CDK15: variants seen among roughly 807,000 people sequenced by gnomAD.
The protein encoded by CDK15 is cyclin dependent kinase 15.
A neutral mutation model predicts 60.3 loss-of-function variants in CDK15; 62 were observed. The ratio of observed to expected loss-of-function variants is 1.03; its 90% CI spans 0.84 to 1.27. The LOEUF (loss-of-function observed/expected upper bound fraction) is 1.27. Among genes scored for constraint, CDK15 ranks in the 50% most tolerant of loss-of-function variants. The pLI is 0.00. For missense variants in CDK15, 541 were observed against 527.8 expected (o/e 1.03, Z -0.25); for synonymous variants, 194 against 195.7 (o/e 0.99, Z 0.07).
rs1696061174 is a variant in CDK15 at position 201,817,865 on chromosome 2, A to T, written c.449-4944A>T. 2.0e-5 allele frequency among the ~76,000 whole-genome samples: 3 copies of T among 152,244 alleles called. No individual in the cohort carries two copies. In the South Asian group the frequency reaches 6.2e-4, roughly 31 times the overall value. On this transcript the variant is annotated intron_variant, in intron 4 of 13. Coordinates refer to ENST00000652192, the MANE Select transcript of CDK15 (RefSeq NM_001366386.2). ...TGATCAGCATTACAATTCCAAAGATACCAAGACAACTACTTATCTGACACT... is the reference window on the plus strand; with the variant it reads ...TGATCAGCATTACAATTCCAAAGATTCCAAGACAACTACTTATCTGACACT...
intron 10 of CDK15, chr2:201,861,565 CTTTT>C: frequency 6.3e-5 from 46 of 728,932 alleles, no homozygotes; most frequent in Non-Finnish European, 6.9e-5. Flanking sequence ...TTTTTTTTTT[CTTTT>C]TTTTTTTTTT....
chr2:201,832,564 G>C (rs1300157320), intron 6 of CDK15, among the ~76,000 whole-genome samples: 3 of 152,188 alleles, frequency 2.0e-5, no homozygotes, highest in Non-Finnish European at 4.4e-5. Context: ...AAGAGAAAAT[G>C]CTGGGAAGAT....
At position 201,854,951 on chromosome 2, in the gene CDK15, G is replaced by C. The variant is rs1242234678; in HGVS notation, c.1009+14G>C. 6.2e-7 allele frequency: 1 copy of C among 1,612,602 alleles called. No homozygotes were observed. Among genetic ancestry groups the C allele is most frequent in the Middle Eastern group, 1.7e-4 (1 of 6,056 alleles). ...ACTACAATCCAGGTAATATTGATCTGAGCTTCTGAATACTCTGAGAATTAG... is the reference window on the plus strand; with the variant it reads ...ACTACAATCCAGGTAATATTGATCTCAGCTTCTGAATACTCTGAGAATTAG... On this transcript the variant is annotated intron_variant, in intron 10 of 13. Transcript: ENST00000652192.
intron 10 of CDK15, chr2:201,860,832 A>C (rs971222784): frequency 7.4e-7 from 1 of 1,352,164 alleles, no homozygotes; most frequent in Non-Finnish European, 9.8e-7. Flanking sequence ...TCTCATTTTG[A>C]CCTTAAATCC....
intron 13 of CDK15, among the ~76,000 whole-genome samples, chr2:201,891,739 TG>T (rs1699645064): frequency 6.6e-6 from 1 of 152,180 alleles, no homozygotes. Context: ...GGGGCTTCCA[TG>T]GTGGTAGATG....
At chr2:201,818,964 AAAAACAAAAC>A (rs145923828) in intron 4 of CDK15, among the ~76,000 whole-genome samples, 41,132 of 151,700 alleles carry the variant, frequency 0.27, 5,916 homozygotes, top group East Asian at 0.41. Context: ...AATAAGCAAA[AAAAACAAAAC>A]AAAACAAAAC....
chr2:201,847,489 C>T lies in CDK15; in HGVS notation c.945+15C>T. On this transcript the variant is annotated intron_variant, in intron 9 of 13. Transcript: ENST00000652192. Reference sequence around the variant, plus strand: ...AAATCTGGGAGGTAGGAGAATAATTCTTCTAAAGAAAATGAAATATCTGCA... The same window carrying T: ...AAATCTGGGAGGTAGGAGAATAATTTTTCTAAAGAAAATGAAATATCTGCA... The T allele has an allele frequency of 6.2e-7, 1 of 1,605,456 alleles. No homozygotes were observed. Among genetic ancestry groups the T allele is most frequent in the Admixed American group, 1.7e-5 (1 of 59,352 alleles).
chr2:201,853,883 C>T (rs1318697093), intron 9 of CDK15, among the ~76,000 whole-genome samples: 1 of 152,106 alleles, frequency 6.6e-6, no homozygotes, highest in Non-Finnish European at 1.5e-5. Flanking sequence ...CATTCAAGGC[C>T]AGGCGCGGTT....
At chr2:201,819,758 G>A (rs1057210276) in intron 4 of CDK15, among the ~76,000 whole-genome samples, 1 of 152,202 alleles carries the variant, frequency 6.6e-6, no homozygotes, top group Non-Finnish European at 1.5e-5. Context: ...ACGTGTACGA[G>A]TGGTTAATCT....
At chr2:201,843,286 A>G (rs150222306) in intron 8 of CDK15, among the ~76,000 whole-genome samples, 2 of 152,222 alleles carry the variant, frequency 1.3e-5, no homozygotes, top group East Asian at 3.9e-4. Flanking sequence ...TCCCCGGTTC[A>G]AGTGATTCTC....
chr2:201,814,237 A>G (rs922764457), intron 4 of CDK15, among the ~76,000 whole-genome samples: 1 of 152,210 alleles, frequency 6.6e-6, no homozygotes, highest in Non-Finnish European at 1.5e-5. Flanking sequence ...TTTCTTCTGT[A>G]TGCTAAATGT....
intron 4 of CDK15, among the ~76,000 whole-genome samples, chr2:201,819,268 C>G (rs1696121203): frequency 1.3e-5 from 2 of 151,922 alleles, no homozygotes. Flanking sequence ...AGGATGAAGG[C>G]AGAGAGGTGA....
chr2:201,878,861 T>G (rs935897266), intron 11 of CDK15, among the ~76,000 whole-genome samples: 2 of 152,152 alleles, frequency 1.3e-5, no homozygotes, highest in African/African-American at 2.4e-5. Context: ...CCTAATTACC[T>G]CCCAAAGTTC....
intron 11 of CDK15, chr2:201,876,477 G>A: frequency 4.5e-6 from 3 of 669,348 alleles, no homozygotes; most frequent in Non-Finnish European, 7.1e-6. Context: ...TTCATGTGGG[G>A]TGGAGTTGGC....
intron 11 of CDK15, among the ~76,000 whole-genome samples, chr2:201,873,366 G>C (rs949144870): frequency 1.3e-5 from 2 of 152,146 alleles, no homozygotes; most frequent in East Asian, 1.9e-4. Context: ...GGGAACTACT[G>C]TTTATCACTT....
intron 4 of CDK15, among the ~76,000 whole-genome samples, chr2:201,819,875 C>T (rs566031803): frequency 1.3e-5 from 2 of 152,286 alleles, no homozygotes; most frequent in African/African-American, 2.4e-5. Flanking sequence ...ACAAAACAGA[C>T]ATTTTTCCTA....
chr2:201,839,640 T>C (rs1321292777), intron 8 of CDK15, among the ~76,000 whole-genome samples: 1 of 151,220 alleles, frequency 6.6e-6, no homozygotes, highest in Non-Finnish European at 1.5e-5. Flanking sequence ...TACAATTTAC[T>C]CCCTAATGTT....
At chr2:201,810,909 A>G (rs1397271174) in intron 3 of CDK15, among the ~76,000 whole-genome samples, 1 of 147,524 alleles carries the variant, frequency 6.8e-6, no homozygotes, top group Non-Finnish European at 1.5e-5. Flanking sequence ...CAGTGGCGCA[A>G]TCTCAGCTCA....
At chr2:201,880,644 T>A (rs1699242803) in intron 12 of CDK15, among the ~76,000 whole-genome samples, 1 of 151,698 alleles carries the variant, frequency 6.6e-6, no homozygotes, top group African/African-American at 2.4e-5. Context: ...AGTGCCGGGG[T>A]GGGGTGCTGG....
Sources: gnomAD v4.1 joint callset for allele counts (sites outside exome capture counted in the v4.1 genomes callset) on GRCh38, gnomAD v4.1.1 for gene constraint, MANE v1.5 for transcripts, NCBI Gene and HGNC (gene_info 2026-07-23, HGNC 2026-07-21) for gene names.